KCNQ1: variants seen among roughly 807,000 people sequenced by gnomAD.
KCNQ1 encodes the protein potassium voltage-gated channel subfamily KQT member 1.
A neutral mutation model predicts 72.4 loss-of-function variants in KCNQ1; 49 were observed. The observed-to-expected ratio is 0.68, with a 90% CI of 0.54 to 0.86. KCNQ1 has a LOEUF of 0.86. KCNQ1 is among the 40% of genes least tolerant of loss of function. KCNQ1 has a pLI of 0.00. For missense variants in KCNQ1, 790 were observed against 945.1 expected (o/e 0.84, Z 2.15); for synonymous variants, 450 against 412.6 (o/e 1.09, Z -1.10).
chr11:2,761,127 C>A (rs989382370), intron 11 of KCNQ1, among the ~76,000 whole-genome samples: 3 of 152,202 alleles, frequency 2.0e-5, no homozygotes, highest in African/African-American at 4.8e-5. Flanking sequence ...AGGTAGCTCT[C>A]AGCAGATGGG....
chr11:2,538,698 G>A lies in KCNQ1; in HGVS notation c.477+10680G>A, dbSNP rs185733695. Among the ~76,000 whole-genome samples the A allele has an allele frequency of 2.0e-4, 30 of 151,992 alleles. No homozygotes were observed. Among genetic ancestry groups the A allele is most frequent in the East Asian group, 1.6e-3 (8 of 5,152 alleles). On this transcript the variant is annotated intron_variant, in intron 2 of 15. Coordinates refer to ENST00000155840, the MANE Select transcript of KCNQ1 (RefSeq NM_000218.3). The surrounding 1 kb of genome is among the most constrained non-coding windows in gnomAD (Gnocchi z 6.7). ...GGCCTTGTGTGTGGAGGGGCCCTAC[G>A]GTGAATCGTTTTCTGTAACAAAGGC...
chr11:2,717,836 G>A (rs978473843), intron 11 of KCNQ1, among the ~76,000 whole-genome samples: 4 of 152,284 alleles, frequency 2.6e-5, no homozygotes, highest in East Asian at 1.9e-4. Context: ...AAGACCTTGG[G>A]CCAGAGGAAC....
intron 1 of KCNQ1, among the ~76,000 whole-genome samples, chr11:2,445,701 G>GTGGGGAGGGAGCCGGC (rs1491464816): frequency 1.4e-5 from 2 of 147,422 alleles, no homozygotes; most frequent in African/African-American, 2.7e-5. Flanking sequence ...CAGGCCCGGC[G>GTGGGGAGGGAGCCGGC]TGGGGAGGGA....
intron 1 of KCNQ1, among the ~76,000 whole-genome samples, chr11:2,513,695 C>T (rs1040337432): frequency 1.3e-5 from 2 of 152,226 alleles, no homozygotes; most frequent in African/African-American, 2.4e-5. Context: ...GCCTCCGCAC[C>T]GGCCTCTCTC....
rs752823865 is a variant in KCNQ1, at chr11:2,642,696, C to T, written c.1394-19265C>T. ...GATCTTCGTTATTTCTTTCCTTCTA[C>T]TAATTTTATGTTTAGTATGGTTTGT... On this transcript the variant is annotated intron_variant, in intron 10 of 15. Coordinates refer to ENST00000155840, the MANE Select transcript of KCNQ1 (RefSeq NM_000218.3). This position sits in a 1 kb window ranked among gnomAD's most constrained non-coding sequence, Gnocchi z 4.3. The T allele has an allele frequency of 1.7e-4, 69 of 397,732 alleles. No individual in the cohort carries two copies. Among genetic ancestry groups the T allele is most frequent in the Admixed American group, 3.5e-4 (8 of 22,692 alleles). 24.6% of individuals were successfully genotyped at this position (397,732 alleles called of 1,614,324 possible).
chr11:2,653,592 C>T lies in KCNQ1; in HGVS notation c.1394-8369C>T. ...TCTTTTGTTCTCCCTTTCCCTTGCT[C>T]TCTATCCATTGGCCCCATGGGATGG... On this transcript the variant is annotated intron_variant, in intron 10 of 15. Coordinates refer to ENST00000155840, the MANE Select transcript of KCNQ1 (RefSeq NM_000218.3). The surrounding 1 kb of genome is among the most constrained non-coding windows in gnomAD (Gnocchi z 5.3). 1 of 398,748 alleles carries T rather than the reference C, an allele frequency of 2.5e-6. No individual in the cohort carries two copies. The highest frequency in any genetic ancestry group is 4.4e-6 in the Non-Finnish European group (1 of 226,130). The allele number at this position is 398,748 out of a possible 1,614,324, so 24.7% of individuals were successfully genotyped here.
Position 2,588,985 on chromosome 11 carries a change from G to T in KCNQ1, c.1393+131G>T. On this transcript the variant is annotated intron_variant, in intron 10 of 15. Transcript: ENST00000155840. The surrounding 1 kb of genome is among the most constrained non-coding windows in gnomAD (Gnocchi z 5.6). ...ACAACGAGGTATGAACAGACAGAGGGTGGAGCTTCTAGAAACTTCTGTAAA... is the reference window on the plus strand; with the variant it reads ...ACAACGAGGTATGAACAGACAGAGGTTGGAGCTTCTAGAAACTTCTGTAAA... The T allele has an allele frequency of 8.9e-7, 1 of 1,127,220 alleles. No individual in the cohort carries two copies. Among genetic ancestry groups the T allele is most frequent in the South Asian group, 1.3e-5 (1 of 74,166 alleles). The allele number at this position is 1,127,220 out of a possible 1,614,324, so 69.8% of individuals were successfully genotyped here. A position where few individuals can be genotyped will look rare whatever the true frequency, so the allele number is the denominator to read the frequency against.
At chr11:2,761,207 C>A (rs2072229863) in intron 11 of KCNQ1, among the ~76,000 whole-genome samples, 1 of 151,942 alleles carries the variant, frequency 6.6e-6, no homozygotes, top group Non-Finnish European at 1.5e-5. Context: ...AGCCTGGGCT[C>A]TCCTGCGTCC....
At chr11:2,744,969 C>A (rs538442263) in intron 11 of KCNQ1, among the ~76,000 whole-genome samples, 1 of 152,156 alleles carries the variant, frequency 6.6e-6, no homozygotes, top group South Asian at 2.1e-4. Flanking sequence ...GGTGTGTGAT[C>A]GGGGCTCCCT....
intron 2 of KCNQ1, among the ~76,000 whole-genome samples, chr11:2,553,087 G>A (rs1848007337): frequency 1.3e-5 from 2 of 151,514 alleles, no homozygotes; most frequent in African/African-American, 4.8e-5. Context: ...TATTAACCTT[G>A]CGTCCTGTGA....
intron 10 of KCNQ1, chr11:2,609,819 CTTTATTA>C (rs1298043702): frequency 2.5e-6 from 1 of 397,956 alleles, no homozygotes; most frequent in Non-Finnish European, 4.4e-6. Context: ...TCTCCTTTGA[CTTTATTA>C]TAGCACTTCA....
intron 15 of KCNQ1, among the ~76,000 whole-genome samples, chr11:2,835,071 C>G (rs1451286708): frequency 1.3e-5 from 2 of 152,168 alleles, no homozygotes; most frequent in African/African-American, 4.8e-5. Flanking sequence ...GCGGCCCTGT[C>G]CTGGGTGCAG....
Position 2,592,751 on chromosome 11 carries a change from C to T in KCNQ1, c.1393+3897C>T, listed in dbSNP as rs1848686957. Among the ~76,000 whole-genome samples the T allele has an allele frequency of 6.6e-6, 1 of 152,216 alleles. No homozygotes were observed. The highest frequency in any genetic ancestry group is 2.1e-4 in the South Asian group (1 of 4,832). On this transcript the variant is annotated intron_variant, in intron 10 of 15. Coordinates refer to ENST00000155840, the MANE Select transcript of KCNQ1 (RefSeq NM_000218.3). This position sits in a 1 kb window ranked among gnomAD's most constrained non-coding sequence, Gnocchi z 5.2. Reference sequence around the variant, plus strand: ...GACACTCACAGCCCGGCTGCTGCTGCCTTGGGCGTCCTGAAGATCCTCTGT... The same window carrying T: ...GACACTCACAGCCCGGCTGCTGCTGTCTTGGGCGTCCTGAAGATCCTCTGT...
chr11:2,699,439 A>G, intron 11 of KCNQ1: 1 of 398,744 alleles, frequency 2.5e-6, no homozygotes, highest in Non-Finnish European at 4.3e-6. Context: ...AGTCTGGGAG[A>G]ACCGCACTGA....
rs1461091732 is a variant in KCNQ1, at chr11:2,841,646, C to G, written c.1795-6121C>G. Among the ~76,000 whole-genome samples, 3 of 152,232 alleles carry G rather than the reference C, an allele frequency of 2.0e-5. No homozygotes were observed. The East Asian group carries it at 5.8e-4, about 29-fold the overall frequency. On this transcript the variant is annotated intron_variant, in intron 15 of 15. Transcript: ENST00000155840. ...GCTGTGGGGCTGTTGGCCTGCAGGC[C>G]TTGGAGCCCCTGGAGAGAGCAAGTA... is the stretch of plus-strand genomic sequence containing the variant.
At chr11:2,625,150 C>G in intron 10 of KCNQ1, 1 of 398,622 alleles carries the variant, frequency 2.5e-6, no homozygotes, top group East Asian at 3.6e-5. Flanking sequence ...TGAAGGAACA[C>G]CAAACTGTTT....
intron 1 of KCNQ1, among the ~76,000 whole-genome samples, chr11:2,524,270 C>A (rs913923559): frequency 6.6e-6 from 1 of 152,156 alleles, no homozygotes; most frequent in Non-Finnish European, 1.5e-5. Flanking sequence ...CCTGGCAAGT[C>A]GTCTCATACC....
In KCNQ1 at chr11:2,520,628, C is replaced by G. The variant is rs370531016; in HGVS notation, c.387-7300C>G. 2.2e-3 allele frequency among the ~76,000 whole-genome samples: 334 copies of G among 152,242 alleles called. 1 individual carries two copies. The highest frequency in any genetic ancestry group is 7.6e-3 in the African/African-American group (314 of 41,530). On this transcript the variant is annotated intron_variant, in intron 1 of 15. Coordinates refer to ENST00000155840, the MANE Select transcript of KCNQ1 (RefSeq NM_000218.3). ...CCTCTGCCCCTGGGCGTCCACATCC[C>G]AGGGCTCTGAGCTCAGCAGCCCTGG...
At chr11:2,633,654 T>C (rs1461114613) in intron 10 of KCNQ1, 1 of 398,490 alleles carries the variant, frequency 2.5e-6, no homozygotes, top group Non-Finnish European at 4.4e-6. Context: ...TTGGCACCTT[T>C]GTCAAAAACC....
Sources: gnomAD v4.1 joint callset for allele counts (sites outside exome capture counted in the v4.1 genomes callset) on GRCh38, gnomAD v4.1.1 for gene constraint, Gnocchi (gnomAD v3.1) non-coding constraint, MANE v1.5 for transcripts, NCBI Gene and HGNC (gene_info 2026-07-23, HGNC 2026-07-21) for gene names.